Variants in TRIM15 observed in about 807,000 individuals in gnomAD.
The protein encoded by TRIM15 is tripartite motif containing 15.
TRIM15 carries 35 observed loss-of-function variants against 35.8 expected under a neutral mutation model. That is an observed-to-expected ratio of 0.98 (90% confidence interval 0.75 to 1.30). The LOEUF is 1.30. Ranked by LOEUF, TRIM15 falls within the 50% of genes most tolerant of loss-of-function variation. The probability of loss-of-function intolerance (pLI) is 0.00; values close to 1 mark genes in which losing one functional copy is unlikely to be tolerated. For synonymous variants in TRIM15, 252 were observed against 249.8 expected, an observed-to-expected ratio of 1.01 and a Z score of -0.08; for missense variants, 590 against 593.5, an observed-to-expected ratio of 0.99 and a Z score of 0.06.
chr6:30,165,461 C>T (rs1773531486), intron 1 of TRIM15, among the ~76,000 whole-genome samples: 2 of 152,214 alleles, frequency 1.3e-5, no homozygotes, highest in Admixed American at 1.3e-4. Flanking sequence ...CATAGTATTC[C>T]ATGGCATATA....
intron 5 of TRIM15, 39 bp from the exon 6 acceptor site, chr6:30,170,937 T>G: frequency 1.2e-6 from 2 of 1,601,896 alleles, no homozygotes; most frequent in Middle Eastern, 3.3e-4. Flanking sequence ...TAAGAAGTAA[T>G]AAGTCACAGA....
At chr6:30,169,848 G>C (rs115445404) in intron 4 of TRIM15, 5,169 of 247,336 alleles carry the variant, frequency 0.021, 92 homozygotes, top group African/African-American at 0.039. Context: ...GGGAACAATT[G>C]TCACGTGCTT....
At chr6:30,170,348 A>G (rs1362999721) in intron 4 of TRIM15, 153 bp from the exon 5 acceptor site, 1 of 588,342 alleles carries the variant, frequency 1.7e-6, no homozygotes, top group Non-Finnish European at 3.0e-6. Context: ...TAGTAACTAC[A>G]CATTTCCAGC....
At chr6:30,165,652 A>G (rs1773545143) in intron 1 of TRIM15, among the ~76,000 whole-genome samples, 1 of 152,156 alleles carries the variant, frequency 6.6e-6, no homozygotes, top group Non-Finnish European at 1.5e-5. Context: ...GGTATTTCTC[A>G]TTCTAGATTC....
chr6:30,168,621 A>C (rs775501136), intron 3 of TRIM15, 91 bp downstream of exon 3: 41 of 1,259,804 alleles, frequency 3.3e-5, no homozygotes, highest in Non-Finnish European at 3.9e-5. Flanking sequence ...AGAGGCAGGA[A>C]AGGGAAGTGG....
intron 5 of TRIM15, 128 bp from the exon 6 acceptor site, chr6:30,170,848 A>G (rs1773962026): frequency 1.8e-6 from 2 of 1,114,720 alleles, no homozygotes; most frequent in South Asian, 1.5e-5. Flanking sequence ...CTTCTCCTCC[A>G]CTAGACCACA....
rs1249479286 is a variant in TRIM15, at chr6:30,168,367, A to G, written c.545A>G (p.Gln182Arg). Residue 182 changes from glutamine (Q) to arginine (R), a missense_variant, in exon 3 of 7, where the codon CAG (glutamine) becomes CGG (arginine). By Grantham distance (43) the Gln-to-Arg change is conservative. Transcript: ENST00000376694. Reference sequence around the variant, plus strand: ...GAGAGGCTGCAGCAGGAGCTGGAGCAGCAGCGATGTCTCCTGCTGGCCAGG... The same window carrying G: ...GAGAGGCTGCAGCAGGAGCTGGAGCGGCAGCGATGTCTCCTGCTGGCCAGG... ...AFERLQQELEQQRCLLLARLR... is the reference protein window; with the variant it reads ...AFERLQQELERQRCLLLARLR... 6.2e-7 allele frequency: 1 copy of G among 1,613,108 alleles called. No individual in the cohort carries two copies. The highest frequency in any genetic ancestry group is 8.5e-7 in the Non-Finnish European group (1 of 1,180,050).
chr6:30,164,899 G>C (rs1773478142), intron 1 of TRIM15, among the ~76,000 whole-genome samples: 2 of 152,106 alleles, frequency 1.3e-5, no homozygotes, highest in East Asian at 3.9e-4. Flanking sequence ...CTTCCTCCCT[G>C]TCCGGCCTCA....
chr6:30,167,048 C>T, intron 1 of TRIM15, 128 bp from the exon 2 acceptor site: 1 of 714,302 alleles, frequency 1.4e-6, no homozygotes, highest in Non-Finnish European at 2.4e-6. Flanking sequence ...CTCTTTAGGG[C>T]AAGGACTGGG....
At chr6:30,165,054 T>C (rs1488784454) in intron 1 of TRIM15, among the ~76,000 whole-genome samples, 1 of 152,034 alleles carries the variant, frequency 6.6e-6, no homozygotes, top group East Asian at 1.9e-4. Context: ...TCTCCCTTCC[T>C]CCCACCTCTC....
rs143039782 is a variant in TRIM15, at chr6:30,163,966, C to T, written c.282C>T (p.Cys94=). The T allele has an allele frequency of 6.8e-6, 11 of 1,613,106 alleles. No homozygotes were observed. The highest frequency in any genetic ancestry group is 1.7e-5 in the Admixed American group (1 of 60,034). ...ACGGCGAGAAGATCTACTTCTTCTG[C>T]GAGAACGATGCCGAGTTCCTCTGTG... is the stretch of plus-strand genomic sequence containing the variant. ...EEHGEKIYFF[C]ENDAEFLCVF... Residue 94 remains cysteine (C), a synonymous_variant, in exon 1 of 7, where the codon TGC becomes TGT. Transcript: ENST00000376694.
In TRIM15 at chr6:30,163,759, T is replaced by C; in HGVS notation, c.75T>C (p.Asp25=). Residue 25 remains aspartate (D), a synonymous_variant, in exon 1 of 7, where the codon GAT becomes GAC. Transcript: ENST00000376694. Reference sequence around the variant, plus strand: ...CCCTCTGTGCGGGGCCGCTGGAGGATGCGGTGACCATTCCCTGTGGACACA... The same window carrying C: ...CCCTCTGTGCGGGGCCGCTGGAGGACGCGGTGACCATTCCCTGTGGACACA... ...ACTLCAGPLE[D]AVTIPCGHTF... is the part of the protein sequence containing the mutation. 6.2e-7 allele frequency: 1 copy of C among 1,613,006 alleles called. No homozygotes were observed. The highest frequency in any genetic ancestry group is 8.5e-7 in the Non-Finnish European group (1 of 1,180,014).
rs750021087 is a variant in TRIM15, at chr6:30,163,915, G to T, written c.231G>T (p.Pro77=). 4 of 1,613,110 alleles carry T rather than the reference G, an allele frequency of 2.5e-6. No individual in the cohort carries two copies. The South Asian group carries it at 4.4e-5, about 18-fold the overall frequency. The change falls in exon 1 of 7, where the codon CCG becomes CCT. Residue 77 remains proline (P), a synonymous_variant. Transcript: ENST00000376694. ...ETPMAPVPLG[P]LGETYCEEHG... Reference sequence around the variant, plus strand: ...CCATGGCCCCTGTGCCCCTGGGCCCGCTGGGAGAAACTTACTGCGAGGAGC... The same window carrying T: ...CCATGGCCCCTGTGCCCCTGGGCCCTCTGGGAGAAACTTACTGCGAGGAGC...
chr6:30,166,962 T>G (rs1027610825), intron 1 of TRIM15, among the ~76,000 whole-genome samples: 2 of 152,214 alleles, frequency 1.3e-5, no homozygotes, highest in Non-Finnish European at 1.5e-5. Context: ...CATCTCACTG[T>G]GTGTACCCCT....
chr6:30,168,696 AT>A (rs781497008), intron 3 of TRIM15, 166 bp downstream of exon 3: 63 of 688,146 alleles, frequency 9.2e-5, no homozygotes, highest in Non-Finnish European at 1.4e-4. Flanking sequence ...CACTGTGGTC[AT>A]GTTAAGGGGT....
In TRIM15 at chr6:30,163,638, G is replaced by T. The variant is rs763133243; in HGVS notation, c.-47G>T. 1 of 1,548,804 alleles carries T rather than the reference G, an allele frequency of 6.5e-7. No individual in the cohort carries two copies. Reference sequence around the variant, plus strand: ...ACTCGATTTCAGGGAAAGGGAACTCGCGTGGGCTGAGGAGACCGGAGTGGA... The same window carrying T: ...ACTCGATTTCAGGGAAAGGGAACTCTCGTGGGCTGAGGAGACCGGAGTGGA... On this transcript the variant is annotated 5_prime_UTR_variant, in exon 1 of 7. Coordinates refer to ENST00000376694, the MANE Select transcript of TRIM15 (RefSeq NM_033229.3).
Position 30,163,706 on chromosome 6 carries a change from A to G in TRIM15, c.22A>G (p.Lys8Glu), listed in dbSNP as rs143628773. 1.0e-4 allele frequency: 169 copies of G among 1,610,878 alleles called. No individual in the cohort carries two copies. The African/African-American group carries it at 1.5e-3, about 15-fold the overall frequency. Residue 8 changes from lysine (K) to glutamate (E), a missense_variant, in exon 1 of 7, where the codon AAG becomes GAG. Physicochemically the swap from Lys to Glu is moderately conservative, Grantham distance 56. Coordinates refer to ENST00000376694, the MANE Select transcript of TRIM15 (RefSeq NM_033229.3). The part of the protein sequence containing the change: MPATPSL[K>E]VVHELPACTL... ...CGTGATGCCCGCAACCCCGTCCCTG[A>G]AGGTGGTCCATGAGCTGCCTGCCTG... is the stretch of plus-strand genomic sequence containing the variant.
intron 6 of TRIM15, among the ~76,000 whole-genome samples, chr6:30,171,615 C>T (rs1469654800): frequency 1.3e-5 from 2 of 152,196 alleles, no homozygotes; most frequent in Non-Finnish European, 2.9e-5. Flanking sequence ...AACAAACACC[C>T]AGGTGGTGGG....
rs781277986 is a variant in TRIM15 at position 30,164,075 on chromosome 6, G to A, written c.381+10G>A. ...CATTCAGCCCTACCGGGTAAGAAGT[G>A]TAGCTTTACCTAGGGCCTGTTTGGG... is the stretch of plus-strand genomic sequence containing the variant. On this transcript the variant is annotated intron_variant, in intron 1 of 6. Transcript: ENST00000376694. 1.9e-6 allele frequency: 3 copies of A among 1,605,226 alleles called. No individual in the cohort carries two copies. Among genetic ancestry groups the A allele is most frequent in the Admixed American group, 1.7e-5 (1 of 59,666 alleles).
Sources: allele counts gnomAD v4.1 joint callset (sites outside exome capture counted in the v4.1 genomes callset), GRCh38; gene constraint gnomAD v4.1.1; transcripts MANE v1.5; gene names NCBI Gene and HGNC (gene_info 2026-07-23, HGNC 2026-07-21).